CFAP46: variants seen among roughly 807,000 people sequenced by gnomAD.
The protein encoded by CFAP46 is cilia- and flagella-associated protein 46.
Under a neutral mutation model 325.7 loss-of-function variants are expected in CFAP46, and 245 were observed. The observed-to-expected ratio is 0.75, with a 90% CI of 0.68 to 0.84. CFAP46 has a LOEUF of 0.84. Among genes scored for constraint, CFAP46 ranks in the 40% least tolerant of loss-of-function variants. CFAP46 has a pLI of 0.00. For synonymous variants in CFAP46, 1,523 were observed against 1,495.9 expected (o/e 1.02, Z -0.42); for missense variants, 3,346 against 3,543.0 (o/e 0.94, Z 1.41).
At position 132,916,623 on chromosome 10, in the gene CFAP46, G is replaced by A. The variant is rs893014290; in HGVS notation, c.2046C>T (p.Pro682=). The A allele has an allele frequency of 3.6e-5, 55 of 1,536,448 alleles. No homozygotes were observed. Among genetic ancestry groups the A allele is most frequent in the East Asian group, 1.8e-4 (7 of 39,986 alleles). Residue 682 remains proline, a synonymous_variant, in exon 17 of 58, where the codon CCC becomes CCT. Transcript: ENST00000368586. ...GVELNDRAIP[P]EDLSQHPAGY... is the part of the protein sequence containing the mutation. ...CAGCTGGGTGCTGGCTCAGGTCTTC[G>A]GGGGGGATGGCCCGGTCATTCAGCT...
intron 50 of CFAP46, among the ~76,000 whole-genome samples, chr10:132,818,654 A>T (rs1416116353): frequency 6.6e-6 from 1 of 152,088 alleles, no homozygotes; most frequent in Admixed American, 6.6e-5. Flanking sequence ...GGAGTTTGAG[A>T]CCAGCCTGAC....
At position 132,922,068 on chromosome 10, in the gene CFAP46, C is replaced by T. The variant is rs377667650; in HGVS notation, c.1606+36G>A. 6.1e-5 allele frequency: 94 copies of T among 1,536,730 alleles called. 1 individual carries two copies. The East Asian group carries it at 2.1e-3, about 34-fold the overall frequency. ...AGCCTGGGAGCCATTCCAAGGTGGACCGTTCTGGGCTGGGAGAGCCCAGTG... is the reference window on the plus strand; with the variant it reads ...AGCCTGGGAGCCATTCCAAGGTGGATCGTTCTGGGCTGGGAGAGCCCAGTG... On this transcript the variant is annotated intron_variant, in intron 13 of 57. Coordinates refer to ENST00000368586, the MANE Select transcript of CFAP46 (RefSeq NM_001200049.3).
At chr10:132,936,054 C>T in intron 7 of CFAP46, among the ~76,000 whole-genome samples, 2 of 44,228 alleles carry the variant, frequency 4.5e-5, no homozygotes, top group African/African-American at 2.4e-4. Flanking sequence ...CACATCCAAA[C>T]ACACTGTGAT....
chr10:132,916,838 C>T (rs1444479194), intron 16 of CFAP46, among the ~76,000 whole-genome samples, 156 bp from the exon 17 acceptor site: 1 of 152,170 alleles, frequency 6.6e-6, no homozygotes, highest in African/African-American at 2.4e-5. Context: ...TGGGCCTGCC[C>T]CAATAGCCAC....
chr10:132,816,195 CGTT>C (rs1457525566), intron 50 of CFAP46, among the ~76,000 whole-genome samples: 1 of 151,632 alleles, frequency 6.6e-6, no homozygotes, highest in Non-Finnish European at 1.5e-5. Flanking sequence ...GCTGGTGCGT[CGTT>C]AGCGCTGTGT....
chr10:132,942,410 G>T, intron 1 of CFAP46, 26 bp downstream of exon 1: 14 of 1,364,718 alleles, frequency 1.0e-5, no homozygotes, highest in Non-Finnish European at 1.3e-5. Flanking sequence ...TCCCCGGGGC[G>T]GGGGTCGTGG....
In CFAP46 at chr10:132,827,754, G is replaced by A. The variant is rs1433834017; in HGVS notation, c.7117+5604C>T. Among the ~76,000 whole-genome samples, 3 of 151,370 alleles carry A rather than the reference G, an allele frequency of 2.0e-5. No homozygotes were observed. Among genetic ancestry groups the A allele is most frequent in the African/African-American group, 4.9e-5 (2 of 41,174 alleles). On this transcript the variant is annotated intron_variant, in intron 50 of 57. Coordinates refer to ENST00000368586, the MANE Select transcript of CFAP46 (RefSeq NM_001200049.3). This position sits in a 1 kb window ranked among gnomAD's most constrained non-coding sequence, Gnocchi z 5.7. The stretch of plus-strand genomic sequence containing the variant: ...CTGCAACCCTCCCTCCTGCACCCAC[G>A]ACCCTCCCCCAACTTCTCCTGCAGC...
chr10:132,901,096 T>A (rs1237791820), intron 22 of CFAP46, among the ~76,000 whole-genome samples: 1 of 152,226 alleles, frequency 6.6e-6, no homozygotes, highest in Non-Finnish European at 1.5e-5. Flanking sequence ...CTTCAATCTG[T>A]GTCTATACAT....
At position 132,922,101 on chromosome 10, in the gene CFAP46, C is replaced by A. The variant is rs1035081907; in HGVS notation, c.1606+3G>T. The A allele has an allele frequency of 2.6e-6, 4 of 1,549,744 alleles. No homozygotes were observed. The African/African-American group carries it at 5.5e-5, about 21-fold the overall frequency. On this transcript the variant is annotated splice_donor_region_variant and intron_variant, in intron 13 of 57. Coordinates refer to ENST00000368586, the MANE Select transcript of CFAP46 (RefSeq NM_001200049.3). ...GGCTGGGAGAGCCCAGTGCAGAGCT[C>A]ACCTTTGGCCTCATTCTCACTGTCC...
chr10:132,871,845 T>C (rs1312181453), intron 32 of CFAP46, among the ~76,000 whole-genome samples: 2 of 152,258 alleles, frequency 1.3e-5, no homozygotes, highest in East Asian at 1.9e-4. Flanking sequence ...TTTAAGAGAC[T>C]GACTCCAATT....
chr10:132,836,883 T>C lies in CFAP46; in HGVS notation c.6470A>G (p.His2157Arg), dbSNP rs1280854717. 8 of 1,613,936 alleles carry C rather than the reference T, an allele frequency of 5.0e-6. No homozygotes were observed. The highest frequency in any genetic ancestry group is 1.1e-5 in the South Asian group (1 of 91,092). ...AWQNLCVTEQ[H>R]FNLLNEMPPT... ...AGGCATCTCATTCAAGAGGTTAAAA[T>C]GCTGCTCAGTGACGCAGAGATTTTG... The change falls in exon 45 of 58, where the codon CAT (histidine) becomes CGT (arginine). Residue 2157 changes from histidine to arginine, a missense_variant. By Grantham distance (29) the His-to-Arg change is conservative. Transcript: ENST00000368586.
At chr10:132,930,641 G>A (rs1849882827) in intron 8 of CFAP46, among the ~76,000 whole-genome samples, 3 of 76,748 alleles carry the variant, frequency 3.9e-5, no homozygotes, top group East Asian at 4.7e-4. Flanking sequence ...TCTCCACACA[G>A]AGCCTGGGCC....
Position 132,934,866 on chromosome 10 carries a change from G to A in CFAP46, c.756-4C>T, listed in dbSNP as rs1398322771. The A allele has an allele frequency of 1.9e-6, 3 of 1,552,496 alleles. No individual in the cohort carries two copies. The highest frequency in any genetic ancestry group is 2.7e-6 in the Non-Finnish European group (3 of 1,124,868). Reference sequence around the variant, plus strand: ...TAAATCATTTTGCTCCGCTTTTCTAGAAATAATTCAGAGAGTAATTCAGCA... The same window carrying A: ...TAAATCATTTTGCTCCGCTTTTCTAAAAATAATTCAGAGAGTAATTCAGCA... On this transcript the variant is annotated splice_region_variant and splice_polypyrimidine_tract_variant and intron_variant, in intron 7 of 57. Coordinates refer to ENST00000368586, the MANE Select transcript of CFAP46 (RefSeq NM_001200049.3).
chr10:132,904,327 GC>G (rs1433970673), intron 22 of CFAP46, among the ~76,000 whole-genome samples: 3 of 152,186 alleles, frequency 2.0e-5, no homozygotes, highest in Admixed American at 6.5e-5. Flanking sequence ...CACCCAGGCT[GC>G]CTGCACACAG....
chr10:132,860,361 A>C, intron 37 of CFAP46, 56 bp downstream of exon 37: 1 of 1,403,934 alleles, frequency 7.1e-7, no homozygotes, highest in South Asian at 1.3e-5. Flanking sequence ...TTGCAGATGG[A>C]AAAGAGGAAA....
chr10:132,923,762 T>C (rs1004896521), intron 11 of CFAP46, among the ~76,000 whole-genome samples: 2 of 152,160 alleles, frequency 1.3e-5, no homozygotes, highest in African/African-American at 4.8e-5. Flanking sequence ...GTGGTCACCA[T>C]GTTTTAGGGT....
chr10:132,834,976 C>T (rs117421225), intron 47 of CFAP46, among the ~76,000 whole-genome samples: 1 of 152,256 alleles, frequency 6.6e-6, no homozygotes, highest in African/African-American at 2.4e-5. Context: ...CCAGCCCCCA[C>T]CCATCTCCTC....
chr10:132,887,616 CTCCTCTT>C (rs1365147088), intron 25 of CFAP46, among the ~76,000 whole-genome samples: 1 of 60,736 alleles, frequency 1.6e-5, no homozygotes, highest in Non-Finnish European at 3.7e-5. Context: ...CCTCTCCTCT[CTCCTCTT>C]CTCTCCTCTC....
At position 132,858,283 on chromosome 10, in the gene CFAP46, GC is replaced by G. The variant is rs200023472; in HGVS notation, c.5376-496del. 4.6e-3 allele frequency among the ~76,000 whole-genome samples: 607 copies of G among 132,474 alleles called. 4 individuals carry two copies. Among genetic ancestry groups the G allele is most frequent in the South Asian group, 0.016 (57 of 3,670 alleles). The allele number at this position is 132,474 out of a possible 152,430, so 86.9% of individuals were successfully genotyped here. On this transcript the variant is annotated intron_variant, in intron 38 of 57. Coordinates refer to ENST00000368586, the MANE Select transcript of CFAP46 (RefSeq NM_001200049.3). ...GGCCAGGGAGGCTTTGCTGGGGGCGGCCCCAGGTTGGGGGCAGGGAGGTGGG... is the reference window on the plus strand; with the variant it reads ...GGCCAGGGAGGCTTTGCTGGGGGCGGCCCAGGTTGGGGGCAGGGAGGTGGG...
Sources: allele counts gnomAD v4.1 joint callset (sites outside exome capture counted in the v4.1 genomes callset), GRCh38; gene constraint gnomAD v4.1.1; non-coding constraint Gnocchi (gnomAD v3.1); transcripts MANE v1.5; gene names NCBI Gene and HGNC (gene_info 2026-07-23, HGNC 2026-07-21).